The following ITGB6 variants were observed in gnomAD, a reference collection of about 807,000 sequenced individuals.
ITGB6 encodes integrin beta-6.
In ITGB6, 80 loss-of-function variants were observed where a neutral mutation model predicts 84.5. The ratio of observed to expected loss-of-function variants is 0.95; its 90% CI spans 0.79 to 1.14. The LOEUF is 1.14. Ranked by LOEUF, ITGB6 falls within the 50% of genes most tolerant of loss-of-function variation. The pLI, the probability that ITGB6 is intolerant of heterozygous loss-of-function variation, is 0.00. For synonymous variants in ITGB6, 383 were observed against 354.9 expected, an observed-to-expected ratio of 1.08 and a Z score of -0.89; for missense variants, 1,006 against 968.0, an observed-to-expected ratio of 1.04 and a Z score of -0.52.
chr2:160,198,637 T>C (rs1337045505), intron 2 of ITGB6, among the ~76,000 whole-genome samples: 1 of 152,220 alleles, frequency 6.6e-6, no homozygotes, highest in African/African-American at 2.4e-5. Flanking sequence ...TATTTGGCAC[T>C]TTGTCACTGG....
chr2:160,115,840 A>G (rs1278089766), intron 12 of ITGB6, among the ~76,000 whole-genome samples: 1 of 152,224 alleles, frequency 6.6e-6, no homozygotes, highest in Admixed American at 6.5e-5. Context: ...GCTGAAAGCC[A>G]AGGCTCGAGA....
chr2:160,126,280 A>T, intron 11 of ITGB6, 99 bp downstream of exon 11: 1 of 1,116,598 alleles, frequency 9.0e-7, no homozygotes, highest in Non-Finnish European at 1.3e-6. Flanking sequence ...AGACCAAACC[A>T]GCAAATACAA....
intron 12 of ITGB6, among the ~76,000 whole-genome samples, chr2:160,113,984 C>T (rs1427499856): frequency 1.3e-5 from 2 of 152,138 alleles, no homozygotes; most frequent in Admixed American, 1.3e-4. Context: ...TCGCCTTGAA[C>T]ATATTTAATG....
At chr2:160,153,742 GA>G (rs566929916) in intron 7 of ITGB6, among the ~76,000 whole-genome samples, 1 of 150,306 alleles carries the variant, frequency 6.7e-6, no homozygotes, top group South Asian at 2.1e-4. Flanking sequence ...AAATTTACAA[GA>G]AAAAAAAACC....
intron 4 of ITGB6, among the ~76,000 whole-genome samples, chr2:160,191,215 G>T (rs1686128388): frequency 6.6e-6 from 1 of 152,102 alleles, no homozygotes; most frequent in African/African-American, 2.4e-5. Flanking sequence ...ATTTTTGAGG[G>T]TATAAGTCTT....
chr2:160,132,922 T>C (rs1265476852), intron 10 of ITGB6, among the ~76,000 whole-genome samples: 2 of 152,172 alleles, frequency 1.3e-5, no homozygotes, highest in African/African-American at 4.8e-5. Flanking sequence ...CAGTTACTCA[T>C]CTTTCTTATG....
intron 13 of ITGB6, 137 bp downstream of exon 13, chr2:160,111,943 C>A: frequency 1.2e-6 from 1 of 857,006 alleles, no homozygotes; most frequent in Non-Finnish European, 1.8e-6. Flanking sequence ...TCTTTCAATC[C>A]TTGGGAAACT....
At chr2:160,119,137 A>G (rs62177892) in intron 12 of ITGB6, among the ~76,000 whole-genome samples, 29,618 of 152,146 alleles carry the variant, frequency 0.19, 3,175 homozygotes, top group Admixed American at 0.32. Context: ...GCTACCAATG[A>G]CTTTCTTCAC....
chr2:160,184,947 T>G (rs1453350301), intron 4 of ITGB6, among the ~76,000 whole-genome samples: 1 of 152,152 alleles, frequency 6.6e-6, no homozygotes, highest in Non-Finnish European at 1.5e-5. Context: ...TGCTAAAAAC[T>G]CTCAATAAAC....
chr2:160,111,231 TC>T (rs1266528574), intron 13 of ITGB6, among the ~76,000 whole-genome samples: 1 of 152,218 alleles, frequency 6.6e-6, no homozygotes, highest in Non-Finnish European at 1.5e-5. Context: ...CTCGTTTTTT[TC>T]AATAGAATCA....
rs755642266 is a variant in ITGB6 at position 160,137,839 on chromosome 2, C to T, written c.1255G>A (p.Val419Met). ...TCGCAGTGTGGGATATTCACAGTCACGCTGAAGGAAGCCTGGAAAAGAAAA... is the reference window on the plus strand; with the variant it reads ...TCGCAGTGTGGGATATTCACAGTCATGCTGAAGGAAGCCTGGAAAAGAAAA... ...MKVGDTASFS[V>M]TVNIPHCERR... The change falls in exon 10 of 15, where the codon GTG becomes ATG. Residue 419 changes from valine to methionine, a missense_variant. Val to Met is a conservative substitution (Grantham distance 21). Transcript: ENST00000283249. 3.7e-5 allele frequency: 60 copies of T among 1,613,026 alleles called. No homozygotes were observed. Among genetic ancestry groups the T allele is most frequent in the Middle Eastern group, 3.3e-4 (2 of 6,062 alleles).
intron 4 of ITGB6, among the ~76,000 whole-genome samples, chr2:160,177,966 C>T (rs1033328785): frequency 6.6e-6 from 1 of 152,122 alleles, no homozygotes; most frequent in Non-Finnish European, 1.5e-5. Context: ...ACCTCTGCCT[C>T]TAGGTTCAAG....
intron 7 of ITGB6, among the ~76,000 whole-genome samples, chr2:160,145,411 CT>C (rs1684149428): frequency 6.6e-6 from 1 of 152,166 alleles, no homozygotes; most frequent in Non-Finnish European, 1.5e-5. Flanking sequence ...CCTTAGTTTT[CT>C]TAACTTCCTT....
chr2:160,179,954 A>G (rs908594473), intron 4 of ITGB6, among the ~76,000 whole-genome samples: 1 of 150,604 alleles, frequency 6.6e-6, no homozygotes, highest in Non-Finnish European at 1.5e-5. Flanking sequence ...AAAAAAAAAA[A>G]AAAAAAAAAT....
chr2:160,138,102 T>C lies in ITGB6; in HGVS notation c.1205A>G (p.His402Arg), dbSNP rs772489907. Residue 402 changes from histidine to arginine, a missense_variant, in exon 9 of 15, where the codon CAC (histidine) becomes CGC (arginine). His to Arg is a conservative substitution (Grantham distance 29). Coordinates refer to ENST00000283249, the MANE Select transcript of ITGB6 (RefSeq NM_000888.5). ...TTTCATGTGAGAGCATTTCTTTTGG[T>C]GTTGGAAGAGGGTACCGTTGTTACA... ...AICNNGTLFQ[H>R]QKKCSHMKVG... 5.0e-6 allele frequency: 8 copies of C among 1,613,808 alleles called. No homozygotes were observed. The highest frequency in any genetic ancestry group is 5.9e-6 in the Non-Finnish European group (7 of 1,179,982).
intron 12 of ITGB6, among the ~76,000 whole-genome samples, chr2:160,117,578 G>A (rs1218111572): frequency 6.6e-6 from 1 of 152,066 alleles, no homozygotes; most frequent in Non-Finnish European, 1.5e-5. Flanking sequence ...ATCCAAAACT[G>A]ACACCCTAAC....
intron 6 of ITGB6, 132 bp downstream of exon 6, chr2:160,172,437 A>G: frequency 1.2e-6 from 1 of 856,110 alleles, no homozygotes; most frequent in Non-Finnish European, 1.8e-6. Flanking sequence ...AGCTGGGGCA[A>G]CTTGTTAATC....
In ITGB6 at chr2:160,137,672, G is replaced by T; in HGVS notation, c.1422C>A (p.Phe474Leu). ...GGTGGCAGGCACACACCCCACACTGGAAAGAGCCGTTCCCGTGGTGACATT... is the reference window on the plus strand; with the variant it reads ...GGTGGCAGGCACACACCCCACACTGTAAAGAGCCGTTCCCGTGGTGACATT... ...SSKCHHGNGSFQCGVCACHPG... is the reference protein window; with the variant it reads ...SSKCHHGNGSLQCGVCACHPG... Residue 474 changes from phenylalanine (F) to leucine (L), a missense_variant, in exon 10 of 15, where the codon TTC (phenylalanine) becomes TTA (leucine). Phe to Leu is a conservative substitution (Grantham distance 22, BLOSUM62 0). Transcript: ENST00000283249. 1 of 1,614,182 alleles carries T rather than the reference G, an allele frequency of 6.2e-7. No individual in the cohort carries two copies. The highest frequency in any genetic ancestry group is 8.5e-7 in the Non-Finnish European group (1 of 1,180,042).
intron 7 of ITGB6, among the ~76,000 whole-genome samples, chr2:160,148,534 C>A (rs554916863): frequency 6.6e-6 from 1 of 152,208 alleles, no homozygotes; most frequent in Admixed American, 6.5e-5. Context: ...GCATGATCGA[C>A]GCAGAAGATG....
Sources: gnomAD v4.1 joint callset for allele counts (sites outside exome capture counted in the v4.1 genomes callset) on GRCh38, gnomAD v4.1.1 for gene constraint, MANE v1.5 for transcripts, NCBI Gene and HGNC (gene_info 2026-07-23, HGNC 2026-07-21) for gene names.